Variants in ELAVL2 observed in about 807,000 individuals in gnomAD.
ELAVL2 encodes the protein ELAV-like protein 2.
In ELAVL2, 4 loss-of-function variants were observed where a neutral mutation model predicts 34.6. The observed-to-expected ratio is 0.12, with a 90% CI of 0.06 to 0.26. The LOEUF is 0.26. Among genes scored for constraint, ELAVL2 ranks in the 10% least tolerant of loss-of-function variants. The pLI is 1.00. For synonymous variants in ELAVL2, 193 were observed against 154.8 expected (o/e 1.25, Z -1.83); for missense variants, 432 against 442.8 (o/e 0.98, Z 0.22).
In ELAVL2 at chr9:23,692,857, C is replaced by A; in HGVS notation, c.780G>T (p.Met260Ile). 1 of 1,613,984 alleles carries A rather than the reference C, an allele frequency of 6.2e-7. No homozygotes were observed. Among genetic ancestry groups the A allele is most frequent in the South Asian group, 1.1e-5 (1 of 91,034 alleles). Reference protein sequence around the residue: ...KRFSPMTIDGMTSLAGINIPG... With the variant: ...KRFSPMTIDGITSLAGINIPG... ...GGATATTAATTCCAGCCAAACTGGT[C>A]ATTCCGTCAATGGTCATTGGAGAAA... The change falls in exon 7 of 7, where the codon ATG (methionine) becomes ATT (isoleucine). Residue 260 changes from methionine to isoleucine, a missense_variant. Physicochemically the swap from Met to Ile is conservative, Grantham distance 10. Transcript: ENST00000397312.
chr9:23,774,288 T>G (rs556448264), intron 1 of ELAVL2, among the ~76,000 whole-genome samples: 3 of 150,446 alleles, frequency 2.0e-5, no homozygotes, highest in Admixed American at 2.0e-4. Flanking sequence ...GGATTAAGCC[T>G]GTCAGTTTTT....
intron 1 of ELAVL2, among the ~76,000 whole-genome samples, chr9:23,798,971 T>A (rs2061282544): frequency 6.6e-6 from 1 of 152,200 alleles, no homozygotes; most frequent in Non-Finnish European, 1.5e-5. Flanking sequence ...CAAAACTTGA[T>A]CATTTTCTTC....
chr9:23,707,379 T>G (rs2039662550), intron 3 of ELAVL2, among the ~76,000 whole-genome samples: 2 of 152,232 alleles, frequency 1.3e-5, no homozygotes, highest in South Asian at 4.1e-4. Flanking sequence ...TCTAGGATTC[T>G]ATGGCTTTTT....
At chr9:23,723,823 C>G (rs150530537) in intron 3 of ELAVL2, among the ~76,000 whole-genome samples, 63 of 152,094 alleles carry the variant, frequency 4.1e-4, no homozygotes, top group Non-Finnish European at 7.5e-4. Context: ...ACTCAAATTT[C>G]TGATAAACAG....
At chr9:23,825,693 A>C (rs149764080) in intron 1 of ELAVL2, 113 bp downstream of exon 1, 1 of 152,386 alleles carries the variant, frequency 6.6e-6, no homozygotes, top group East Asian at 1.9e-4. Flanking sequence ...CTTTGAAATG[A>C]GACAAACATG....
intron 3 of ELAVL2, among the ~76,000 whole-genome samples, chr9:23,716,607 T>C (rs956874685): frequency 6.6e-6 from 1 of 152,152 alleles, no homozygotes; most frequent in African/African-American, 2.4e-5. Flanking sequence ...AGCTTCCTCA[T>C]GCAGAGGTTA....
At chr9:23,760,107 T>A (rs766680211) in intron 2 of ELAVL2, among the ~76,000 whole-genome samples, 11 of 151,852 alleles carry the variant, frequency 7.2e-5, no homozygotes, top group Non-Finnish European at 1.5e-4. Flanking sequence ...GATAAAGAAC[T>A]CAAATTTATC....
At chr9:23,741,999 T>G (rs2049320602) in intron 2 of ELAVL2, among the ~76,000 whole-genome samples, 1 of 152,174 alleles carries the variant, frequency 6.6e-6, no homozygotes, top group African/African-American at 2.4e-5. Flanking sequence ...CAACTCCTTG[T>G]GTCCCAGGAG....
chr9:23,700,275 C>T (rs1175865720), intron 5 of ELAVL2, among the ~76,000 whole-genome samples: 2 of 151,974 alleles, frequency 1.3e-5, no homozygotes, highest in Non-Finnish European at 2.9e-5. Flanking sequence ...TACCATATGG[C>T]CAAAAAGGAT....
chr9:23,764,270 C>T (rs865896327), intron 1 of ELAVL2, among the ~76,000 whole-genome samples: 1 of 152,122 alleles, frequency 6.6e-6, no homozygotes, highest in African/African-American at 2.4e-5. Flanking sequence ...ATTGGGATAG[C>T]ATTTGAAATA....
At chr9:23,795,798 T>C (rs1348543729) in intron 1 of ELAVL2, among the ~76,000 whole-genome samples, 1 of 152,174 alleles carries the variant, frequency 6.6e-6, no homozygotes, top group Non-Finnish European at 1.5e-5. Context: ...TTAATGGCAA[T>C]GTGTCTCCTC....
intron 3 of ELAVL2, among the ~76,000 whole-genome samples, chr9:23,706,901 C>T (rs1486792111): frequency 1.3e-5 from 2 of 152,152 alleles, no homozygotes; most frequent in African/African-American, 4.8e-5. Context: ...ATAAAGACCT[C>T]GTTATCTTTC....
At chr9:23,815,400 C>T (rs1158615417) in intron 1 of ELAVL2, among the ~76,000 whole-genome samples, 1 of 152,098 alleles carries the variant, frequency 6.6e-6, no homozygotes, top group Non-Finnish European at 1.5e-5. Context: ...ACAATTCTCC[C>T]AAATCCTCCC....
rs185363695 is a variant in ELAVL2, at chr9:23,712,435, G to A, written c.334-7364C>T. On this transcript the variant is annotated intron_variant, in intron 3 of 6. Coordinates refer to ENST00000397312, the MANE Select transcript of ELAVL2 (RefSeq NM_004432.5). Reference sequence around the variant, plus strand: ...GAATATTTTCTTGTATACACATAAGGAAATAATAAAACACATCAAAAAAAC... The same window carrying A: ...GAATATTTTCTTGTATACACATAAGAAAATAATAAAACACATCAAAAAAAC... Among the ~76,000 whole-genome samples, 11 of 152,026 alleles carry A rather than the reference G, an allele frequency of 7.2e-5. No individual in the cohort carries two copies. In the East Asian group the frequency reaches 2.1e-3, roughly 29 times the overall value.
chr9:23,712,843 G>T (rs1191425071), intron 3 of ELAVL2, among the ~76,000 whole-genome samples: 2 of 152,154 alleles, frequency 1.3e-5, no homozygotes, highest in Admixed American at 6.5e-5. Flanking sequence ...AAAAATAAGT[G>T]ATCCTATGAC....
rs1473418599 is a variant in ELAVL2 at position 23,826,055 on chromosome 9, C to T, written c.-265G>A. The T allele has an allele frequency of 6.6e-6, 1 of 152,170 alleles. No homozygotes were observed. Among genetic ancestry groups the T allele is most frequent in the African/African-American group, 2.4e-5 (1 of 41,442 alleles). 9.4% of individuals were successfully genotyped at this position (152,170 alleles called of 1,614,324 possible). ...AGAGTTTAAAAAGACGGAGAGACTA[C>T]CCTCCTATTGCCGTTCAACTAAACA... On this transcript the variant is annotated 5_prime_UTR_variant, in exon 1 of 7. Coordinates refer to ENST00000397312, the MANE Select transcript of ELAVL2 (RefSeq NM_004432.5).
At chr9:23,772,022 C>G (rs1341315458) in intron 1 of ELAVL2, among the ~76,000 whole-genome samples, 3 of 152,118 alleles carry the variant, frequency 2.0e-5, no homozygotes, top group African/African-American at 7.2e-5. Context: ...ATGAGTACAA[C>G]AAGAATAAAA....
At chr9:23,817,420 T>A (rs1381666218) in intron 1 of ELAVL2, among the ~76,000 whole-genome samples, 1 of 152,188 alleles carries the variant, frequency 6.6e-6, no homozygotes. Flanking sequence ...ACAGAACTAT[T>A]CAGCAATATT....
At chr9:23,762,328 T>C in intron 1 of ELAVL2, 79 bp from the exon 2 acceptor site, 3 of 1,533,082 alleles carry the variant, frequency 2.0e-6, no homozygotes, top group Non-Finnish European at 2.6e-6. Context: ...ATTTAAACAC[T>C]TGTCACTAAA....
Sources: allele counts gnomAD v4.1 joint callset (sites outside exome capture counted in the v4.1 genomes callset), GRCh38; gene constraint gnomAD v4.1.1; transcripts MANE v1.5; gene names NCBI Gene and HGNC (gene_info 2026-07-23, HGNC 2026-07-21).